The following EBI3 variants were observed in gnomAD, a reference collection of about 807,000 sequenced individuals.
EBI3 encodes the protein Epstein-Barr virus induced 3.
A neutral mutation model predicts 21.3 loss-of-function variants in EBI3; 19 were observed. The ratio of observed to expected loss-of-function variants is 0.89; its 90% confidence interval spans 0.62 to 1.31. The LOEUF is 1.31. EBI3 is among the 50% of genes most tolerant of loss of function. The pLI is 0.00. For missense variants in EBI3, 331 were observed against 314.0 expected (o/e 1.05, Z -0.41); for synonymous variants, 154 against 131.2 (o/e 1.17, Z -1.19).
chr19:4,231,655 C>A (rs184723940), intron 2 of EBI3, among the ~76,000 whole-genome samples: 1 of 150,332 alleles, frequency 6.7e-6, no homozygotes, highest in East Asian at 1.9e-4. Flanking sequence ...CCTGTAATCC[C>A]AGCTACTCCG....
In EBI3 at chr19:4,234,825, G is replaced by T; in HGVS notation, c.537+1G>T. On this transcript the variant is annotated splice_donor_variant, in intron 4 of 4. Transcript: ENST00000221847. LOFTEE classifies it high-confidence loss of function. ...TCAGGGAGCTGCGCGCTTCCACCGG[G>T]TGAGGAGGATGAGGGGGAGGCTGGA... is the stretch of plus-strand genomic sequence containing the variant. The T allele has an allele frequency of 6.2e-7, 1 of 1,613,830 alleles. No individual in the cohort carries two copies. The highest frequency in any genetic ancestry group is 8.5e-7 in the Non-Finnish European group (1 of 1,179,836).
chr19:4,231,045 C>A, intron 1 of EBI3, 146 bp from the exon 2 acceptor site: 1 of 1,095,428 alleles, frequency 9.1e-7, no homozygotes, highest in Non-Finnish European at 1.2e-6. Context: ...TGACTTTTGT[C>A]CATGTACCTA....
At chr19:4,230,007 C>A (rs1970768401) in intron 1 of EBI3, among the ~76,000 whole-genome samples, 2 of 152,238 alleles carry the variant, frequency 1.3e-5, no homozygotes, top group South Asian at 4.1e-4. Context: ...CTGAAACCTC[C>A]ATCTCCTGGG....
At chr19:4,229,665 A>G in intron 1 of EBI3, 48 bp downstream of exon 1, 1 of 1,553,458 alleles carries the variant, frequency 6.4e-7, no homozygotes, top group Non-Finnish European at 8.7e-7. Flanking sequence ...GACGGACATG[A>G]CACGAGGACT....
intron 3 of EBI3, 109 bp from the exon 4 acceptor site, chr19:4,234,558 G>T: frequency 6.7e-7 from 1 of 1,493,956 alleles, no homozygotes; most frequent in Non-Finnish European, 8.9e-7. Flanking sequence ...GTGAGACTCC[G>T]TTTCAAAACA....
intron 2 of EBI3, among the ~76,000 whole-genome samples, chr19:4,232,760 GAATGAAGGAATGAATT>G (rs1970798224): frequency 4.6e-5 from 2 of 43,290 alleles, no homozygotes; most frequent in Admixed American, 4.4e-4. Context: ...ATTAATGAAT[GAATGAAGGAATGAATT>G]AATGAATGAA....
chr19:4,234,838 G>A lies in EBI3; in HGVS notation c.537+14G>A. ...CGCTTCCACCGGGTGAGGAGGATGA[G>A]GGGGAGGCTGGAAAGGGTGGTGCCT... On this transcript the variant is annotated intron_variant, in intron 4 of 4. Coordinates refer to ENST00000221847, the MANE Select transcript of EBI3 (RefSeq NM_005755.3). 6.2e-7 allele frequency: 1 copy of A among 1,612,312 alleles called. No individual in the cohort carries two copies. Among genetic ancestry groups the A allele is most frequent in the Non-Finnish European group, 8.5e-7 (1 of 1,178,750 alleles).
At chr19:4,233,347 G>T in intron 3 of EBI3, 40 bp downstream of exon 3, 1 of 1,533,398 alleles carries the variant, frequency 6.5e-7, no homozygotes. Context: ...CGGGGCTGCC[G>T]TCTCCTTCCA....
chr19:4,231,872 G>T (rs913665783), intron 2 of EBI3, among the ~76,000 whole-genome samples: 1 of 151,982 alleles, frequency 6.6e-6, no homozygotes, highest in Non-Finnish European at 1.5e-5. Flanking sequence ...CTTGAGGTCA[G>T]GAGTTTGAGT....
rs893536697 is a variant in EBI3, at chr19:4,237,457, A to T, written c.*369A>T. The T allele has an allele frequency of 6.3e-6, 1 of 157,530 alleles. No individual in the cohort carries two copies. Among genetic ancestry groups the T allele is most frequent in the Non-Finnish European group, 1.4e-5 (1 of 71,808 alleles). The allele number at this position is 157,530 out of a possible 1,614,324, so 9.8% of individuals were successfully genotyped here. A position where few individuals can be genotyped will look rare whatever the true frequency, so the allele number is the denominator to read the frequency against. ...CGACGTGGGAGGGTAGCTTGAGGCCAGGAGCTCGAAACCAGTCCGGGCCAC... is the reference window on the plus strand; with the variant it reads ...CGACGTGGGAGGGTAGCTTGAGGCCTGGAGCTCGAAACCAGTCCGGGCCAC... On this transcript the variant is annotated 3_prime_UTR_variant, in exon 5 of 5. Transcript: ENST00000221847.
rs1970822587 is a variant in EBI3 at position 4,234,810 on chromosome 19, G to A, written c.523G>A (p.Ala175Thr). 1.2e-6 allele frequency: 2 copies of A among 1,613,908 alleles called. No homozygotes were observed. The highest frequency in any genetic ancestry group is 4.5e-5 in the East Asian group (2 of 44,868). Reference sequence around the variant, plus strand: ...GATCCGTTACAAGCGTCAGGGAGCTGCGCGCTTCCACCGGGTGAGGAGGAT... The same window carrying A: ...GATCCGTTACAAGCGTCAGGGAGCTACGCGCTTCCACCGGGTGAGGAGGAT... The part of the protein sequence containing the change: ...YWIRYKRQGA[A>T]RFHRVGPIEA... The change falls in exon 4 of 5, where the codon GCG becomes ACG. Residue 175 changes from alanine (A) to threonine (T), a missense_variant. By Grantham distance (58) the Ala-to-Thr change is moderately conservative (BLOSUM62 0). Coordinates refer to ENST00000221847, the MANE Select transcript of EBI3 (RefSeq NM_005755.3).
In EBI3 at chr19:4,233,198, C is replaced by T; in HGVS notation, c.270C>T (p.Thr90=). 6.2e-7 allele frequency: 1 copy of T among 1,612,210 alleles called. No individual in the cohort carries two copies. ...LQQTPTSTSC[T]ITDVQLFSMA... ...AGACGCCAACGTCCACCAGCTGCAC[C>T]ATCACGGATGTCCAGCTGTTCTCCA... Residue 90 remains threonine (T), a synonymous_variant, in exon 3 of 5, where the codon ACC becomes ACT. Coordinates refer to ENST00000221847, the MANE Select transcript of EBI3 (RefSeq NM_005755.3).
rs1970763160 is a variant in EBI3 at position 4,229,550 on chromosome 19, C to T, written c.-1C>T. 1 of 1,610,448 alleles carries T rather than the reference C, an allele frequency of 6.2e-7. No homozygotes were observed. Among genetic ancestry groups the T allele is most frequent in the African/African-American group, 1.3e-5 (1 of 74,890 alleles). On this transcript the variant is annotated 5_prime_UTR_variant, in exon 1 of 5. Coordinates refer to ENST00000221847, the MANE Select transcript of EBI3 (RefSeq NM_005755.3). ...TCCTGAGAGCAGAGCTGGCCGCAGC[C>T]ATGACCCCGCAGCTTCTCCTGGCCC...
chr19:4,233,376 C>G (rs758678154), intron 3 of EBI3, 69 bp downstream of exon 3: 5 of 1,485,654 alleles, frequency 3.4e-6, no homozygotes, highest in Non-Finnish European at 4.5e-6. Context: ...CACCCCACCT[C>G]CCACCTGTCC....
intron 3 of EBI3, 133 bp downstream of exon 3, chr19:4,233,440 C>T: frequency 9.6e-7 from 1 of 1,042,234 alleles, no homozygotes; most frequent in South Asian, 1.6e-5. Flanking sequence ...CCCCTTCTTC[C>T]CCCTCCTCTA....
intron 3 of EBI3, 107 bp downstream of exon 3, chr19:4,233,414 T>G (rs943927341): frequency 7.5e-7 from 1 of 1,324,812 alleles, no homozygotes; most frequent in African/African-American, 1.5e-5. Flanking sequence ...ACCTTCACAC[T>G]TAAGCAAAAA....
chr19:4,231,830 C>T (rs1177034924), intron 2 of EBI3, among the ~76,000 whole-genome samples: 1 of 151,406 alleles, frequency 6.6e-6, no homozygotes, highest in East Asian at 1.9e-4. Context: ...CCTGTAATCC[C>T]AGTACTTTGG....
At chr19:4,234,225 A>G (rs193283495) in intron 3 of EBI3, among the ~76,000 whole-genome samples, 138 of 151,880 alleles carry the variant, frequency 9.1e-4, no homozygotes, top group African/African-American at 3.1e-3. Flanking sequence ...AACAAAACAA[A>G]ACAAAAATTG....
intron 2 of EBI3, among the ~76,000 whole-genome samples, chr19:4,232,716 C>T (rs767459853): frequency 2.6e-5 from 4 of 151,558 alleles, no homozygotes; most frequent in Non-Finnish European, 5.9e-5. Flanking sequence ...AGAGGGAGAC[C>T]CTGTCATGAA....
Sources: allele counts gnomAD v4.1 joint callset (sites outside exome capture counted in the v4.1 genomes callset), GRCh38; gene constraint gnomAD v4.1.1; transcripts MANE v1.5; gene names NCBI Gene and HGNC (gene_info 2026-07-23, HGNC 2026-07-21).